The following PPIP5K2 variants were observed in gnomAD, a reference collection of about 807,000 sequenced individuals.
PPIP5K2 encodes the protein inositol hexakisphosphate and diphosphoinositol-pentakisphosphate kinase 2.
In PPIP5K2, 105 loss-of-function variants were observed where a neutral mutation model predicts 154.6. The ratio of observed to expected loss-of-function variants is 0.68; its 90% CI spans 0.58 to 0.80. PPIP5K2 has a LOEUF of 0.80. PPIP5K2 is among the 30% of genes least tolerant of loss of function. The pLI is 0.00. For missense variants in PPIP5K2, 992 were observed against 1,504.6 expected, an observed-to-expected ratio of 0.66 and a Z score of 5.64; for synonymous variants, 480 against 490.3, an observed-to-expected ratio of 0.98 and a Z score of 0.28.
At position 103,195,126 on chromosome 5, in the gene PPIP5K2, A is replaced by C. The variant is rs1252935663; in HGVS notation, c.3619+101A>C. ...ATTTGTTTTTAATTAGTATCTTTGC[A>C]CTTCCCTAGAGCGTAATGATCCTAA... On this transcript the variant is annotated intron_variant, in intron 30 of 30. Coordinates refer to ENST00000358359, the MANE Select transcript of PPIP5K2 (RefSeq NM_001276277.3). The C allele has an allele frequency of 2.8e-6, 4 of 1,421,508 alleles. No homozygotes were observed. The East Asian group carries it at 9.3e-5, about 33-fold the overall frequency. 88.1% of individuals were successfully genotyped at this position (1,421,508 alleles called of 1,614,324 possible).
At chr5:103,157,667 A>C (rs1554213971) in intron 14 of PPIP5K2, among the ~76,000 whole-genome samples, 2 of 151,082 alleles carry the variant, frequency 1.3e-5, no homozygotes, top group Admixed American at 1.3e-4. Context: ...GTGCCATTGC[A>C]CTCCAGCCAG....
chr5:103,190,561 A>G (rs1204648467), intron 28 of PPIP5K2, among the ~76,000 whole-genome samples: 1 of 151,682 alleles, frequency 6.6e-6, no homozygotes, highest in Non-Finnish European at 1.5e-5. Context: ...TTTTTTCCCT[A>G]GGTTTTTTAA....
rs1791007332 is a variant in PPIP5K2 at position 103,133,642 on chromosome 5, T to C, written c.304T>C (p.Ser102Pro). 1.3e-6 allele frequency: 2 copies of C among 1,598,398 alleles called. No homozygotes were observed. The highest frequency in any genetic ancestry group is 1.7e-6 in the Non-Finnish European group (2 of 1,174,608). The change falls in exon 3 of 31, where the codon TCT becomes CCT. Residue 102 changes from serine to proline, a missense_variant. This residue lies in a region of PPIP5K2 where 153 missense variants were observed against 200.4 expected (regional missense o/e 0.76). Coordinates refer to ENST00000358359, the MANE Select transcript of PPIP5K2 (RefSeq NM_001276277.3). ...PLCDCLISFH[S>P]KGFPLDKAVA... ...ATGTGATTGTCTTATTTCTTTCCAT[T>C]CTAAAGGTATTAAGGGGAGTGGGGG...
intron 3 of PPIP5K2, among the ~76,000 whole-genome samples, chr5:103,135,004 T>C (rs1791235488): frequency 6.6e-6 from 1 of 152,224 alleles, no homozygotes; most frequent in Admixed American, 6.5e-5. Flanking sequence ...TTTAATACTT[T>C]TTCTCTTAAC....
At position 103,167,331 on chromosome 5, in the gene PPIP5K2, T is replaced by G; in HGVS notation, c.2062+11T>G. The G allele has an allele frequency of 6.5e-7, 1 of 1,546,932 alleles. No individual in the cohort carries two copies. The highest frequency in any genetic ancestry group is 8.7e-7 in the Non-Finnish European group (1 of 1,148,278). ...ATCCTAAATCATCAGGTAAATATGT[T>G]TTTCTTAGAGCATAGAACAAATAAA... On this transcript the variant is annotated intron_variant, in intron 18 of 30. Transcript: ENST00000358359.
intron 3 of PPIP5K2, among the ~76,000 whole-genome samples, chr5:103,134,887 G>A (rs552856082): frequency 1.3e-5 from 2 of 152,288 alleles, no homozygotes; most frequent in Non-Finnish European, 2.9e-5. Context: ...TTGTGGCTAA[G>A]TGGTTCTTGA....
At chr5:103,179,462 G>T (rs1554221918) in intron 23 of PPIP5K2, among the ~76,000 whole-genome samples, 1 of 151,918 alleles carries the variant, frequency 6.6e-6, no homozygotes. Context: ...TTGCAATCTG[G>T]GACTGTGTCT....
Position 103,212,756 on chromosome 5 carries a change from T to G in PPIP5K2, c.*11122T>G, listed in dbSNP as rs1803871239. 6.6e-6 allele frequency: 1 copy of G among 152,156 alleles called. No individual in the cohort carries two copies. Among genetic ancestry groups the G allele is most frequent in the Non-Finnish European group, 1.5e-5 (1 of 67,994 alleles). The allele number at this position is 152,156 out of a possible 1,614,324, so 9.4% of individuals were successfully genotyped here. A position where few individuals can be genotyped will look rare whatever the true frequency, so the allele number is the denominator to read the frequency against. On this transcript the variant is annotated 3_prime_UTR_variant, in exon 31 of 31. Transcript: ENST00000358359. ...AAAGTTAAAAATTTTTTCAGTCATC[T>G]GTAATCTCATTACCCAAGTAAAACT...
chr5:103,175,947 C>T (rs1190377809), intron 21 of PPIP5K2, among the ~76,000 whole-genome samples: 7 of 151,958 alleles, frequency 4.6e-5, no homozygotes, highest in Admixed American at 1.3e-4. Flanking sequence ...TTTCATTATC[C>T]CAACTCTTAT....
Position 103,153,862 on chromosome 5 carries a change from G to A in PPIP5K2, c.1145G>A (p.Cys382Tyr). The part of the protein sequence containing the change: ...TTSGTMMELR[C>Y]VIAVIRHGDR... ...TTTCATTTTAGGATGGAACTTAGATGTGTCATAGCTGTTATACGTCATGGG... is the reference window on the plus strand; with the variant it reads ...TTTCATTTTAGGATGGAACTTAGATATGTCATAGCTGTTATACGTCATGGG... Residue 382 changes from cysteine to tyrosine, a missense_variant, in exon 11 of 31, where the codon TGT (cysteine) becomes TAT (tyrosine). By Grantham distance (194) the Cys-to-Tyr change is radical (BLOSUM62 -2). This residue lies in a region of PPIP5K2 where 163 missense variants were observed against 285.2 expected (regional missense o/e 0.57). Transcript: ENST00000358359. 1 of 1,600,780 alleles carries A rather than the reference G, an allele frequency of 6.2e-7. No homozygotes were observed. Among genetic ancestry groups the A allele is most frequent in the Non-Finnish European group, 8.5e-7 (1 of 1,174,194 alleles).
Position 103,167,557 on chromosome 5 carries a change from G to A in PPIP5K2, c.2062+237G>A, listed in dbSNP as rs371384951. 2.0e-5 allele frequency among the ~76,000 whole-genome samples: 3 copies of A among 152,056 alleles called. No homozygotes were observed. The South Asian group carries it at 6.2e-4, about 32-fold the overall frequency. ...TTTGATTATCTTATTATGCAGCATT[G>A]CTATATAGTTAAGCAGTGAGTAGAC... On this transcript the variant is annotated intron_variant, in intron 18 of 30. Coordinates refer to ENST00000358359, the MANE Select transcript of PPIP5K2 (RefSeq NM_001276277.3).
Position 103,159,111 on chromosome 5 carries a change from T to G in PPIP5K2, c.1738-35T>G, listed in dbSNP as rs143689578. ...AAAATATTATTTTACGTATTAATTT[T>G]TTAAATTCGTGTTTTCTTTATTTAA... On this transcript the variant is annotated intron_variant, in intron 16 of 30. Coordinates refer to ENST00000358359, the MANE Select transcript of PPIP5K2 (RefSeq NM_001276277.3). The G allele has an allele frequency of 6.2e-4, 871 of 1,395,982 alleles. 7 individuals are homozygous for G. The African/African-American group carries it at 0.011, about 18-fold the overall frequency. The allele number at this position is 1,395,982 out of a possible 1,614,324, so 86.5% of individuals were successfully genotyped here.
At chr5:103,189,595 T>C (rs2149794251) in intron 28 of PPIP5K2, among the ~76,000 whole-genome samples, 1 of 152,206 alleles carries the variant, frequency 6.6e-6, no homozygotes, top group East Asian at 1.9e-4. Flanking sequence ...TGTTATAGTA[T>C]AGTTTTGTTT....
intron 2 of PPIP5K2, among the ~76,000 whole-genome samples, 193 bp downstream of exon 2, chr5:103,129,896 G>A (rs1319790223): frequency 6.6e-6 from 1 of 152,158 alleles, no homozygotes; most frequent in East Asian, 1.9e-4. Context: ...GTTTAATGAT[G>A]CCTATTTTAG....
At chr5:103,168,025 A>C in intron 18 of PPIP5K2, 47 bp from the exon 19 acceptor site, 1 of 1,203,660 alleles carries the variant, frequency 8.3e-7, no homozygotes, top group Non-Finnish European at 1.2e-6. Flanking sequence ...ATATATTCTA[A>C]ATCAGATTTT....
intron 26 of PPIP5K2, among the ~76,000 whole-genome samples, chr5:103,185,102 T>C (rs1048295386): frequency 1.8e-4 from 28 of 152,124 alleles, no homozygotes; most frequent in African/African-American, 6.8e-4. Context: ...GGACTTTCCA[T>C]TTTTCTGGTT....
chr5:103,147,397 G>A (rs1793930492), intron 6 of PPIP5K2, among the ~76,000 whole-genome samples: 1 of 151,904 alleles, frequency 6.6e-6, no homozygotes, highest in African/African-American at 2.4e-5. Context: ...ACCCTACATT[G>A]TTAAAATAGT....
Position 103,195,116 on chromosome 5 carries a change from G to A in PPIP5K2, c.3619+91G>A, listed in dbSNP as rs1277978994. The A allele has an allele frequency of 2.0e-6, 3 of 1,496,994 alleles. No individual in the cohort carries two copies. In the African/African-American group the frequency reaches 4.2e-5, roughly 21 times the overall value. 92.7% of individuals were successfully genotyped at this position (1,496,994 alleles called of 1,614,324 possible). A position where few individuals can be genotyped will look rare whatever the true frequency, so the allele number is the denominator to read the frequency against. ...TAAATGTCAAATTTGTTTTTAATTA[G>A]TATCTTTGCACTTCCCTAGAGCGTA... On this transcript the variant is annotated intron_variant, in intron 30 of 30. Transcript: ENST00000358359.
chr5:103,189,216 A>G (rs1436384918), intron 28 of PPIP5K2: 1 of 1,527,672 alleles, frequency 6.5e-7, no homozygotes, highest in Non-Finnish European at 8.8e-7. Flanking sequence ...TGGAATTTCT[A>G]GGCTCCAGTG....
Sources: allele counts gnomAD v4.1 joint callset (sites outside exome capture counted in the v4.1 genomes callset), GRCh38; gene constraint gnomAD v4.1.1; regional missense constraint gnomAD v4.1.1; transcripts MANE v1.5; gene names NCBI Gene and HGNC (gene_info 2026-07-23, HGNC 2026-07-21).